ZDHHC21: variants seen among roughly 807,000 people sequenced by gnomAD.
ZDHHC21 encodes zDHHC palmitoyltransferase 21.
In ZDHHC21, 15 loss-of-function variants were observed where a neutral mutation model predicts 34.6. The observed-to-expected ratio is 0.43, with a 90% CI of 0.29 to 0.67. ZDHHC21 has a LOEUF of 0.67. Ranked by LOEUF, ZDHHC21 falls within the 30% of genes least tolerant of loss-of-function variation. The pLI, the probability that ZDHHC21 is intolerant of heterozygous loss-of-function variation, is 0.14. For synonymous variants in ZDHHC21, 142 were observed against 101.8 expected, an observed-to-expected ratio of 1.40 and a Z score of -2.38; for missense variants, 344 against 327.7, an observed-to-expected ratio of 1.05 and a Z score of -0.38.
intron 7 of ZDHHC21, among the ~76,000 whole-genome samples, chr9:14,657,630 A>G (rs1179719950): frequency 6.6e-6 from 1 of 152,134 alleles, no homozygotes; most frequent in East Asian, 1.9e-4. Context: ...TAAACAAAAG[A>G]AAGTAGCTGT....
chr9:14,693,346 C>G lies in ZDHHC21; in HGVS notation c.-342G>C. The G allele has an allele frequency of 2.4e-6, 1 of 410,680 alleles. No homozygotes were observed. The highest frequency in any genetic ancestry group is 1.7e-5 in the South Asian group (1 of 59,848). 25.4% of individuals were successfully genotyped at this position (410,680 alleles called of 1,614,324 possible). A position where few individuals can be genotyped will look rare whatever the true frequency, so the allele number is the denominator to read the frequency against. ...GCGCCGCCGCCCAGGCCGGGCCGCTCTCCCCTTCCGCTTCCGGGAGCCTGA... is the reference window on the plus strand; with the variant it reads ...GCGCCGCCGCCCAGGCCGGGCCGCTGTCCCCTTCCGCTTCCGGGAGCCTGA... On this transcript the variant is annotated 5_prime_UTR_variant, in exon 1 of 10. Transcript: ENST00000380916.
chr9:14,692,497 T>G (rs568584106), intron 1 of ZDHHC21, among the ~76,000 whole-genome samples: 2 of 152,244 alleles, frequency 1.3e-5, no homozygotes, highest in East Asian at 3.9e-4. Context: ...TATTTTAAAG[T>G]AATAATTGGT....
In ZDHHC21 at chr9:14,615,271, G is replaced by T. The variant is rs912877337; in HGVS notation, c.*3695C>A. The T allele has an allele frequency of 6.6e-6, 1 of 151,648 alleles. No individual in the cohort carries two copies. Among genetic ancestry groups the T allele is most frequent in the Non-Finnish European group, 1.5e-5 (1 of 67,692 alleles). The allele number at this position is 151,648 out of a possible 1,614,324, so 9.4% of individuals were successfully genotyped here. A position where few individuals can be genotyped will look rare whatever the true frequency, so the allele number is the denominator to read the frequency against. On this transcript the variant is annotated 3_prime_UTR_variant, in exon 10 of 10. Coordinates refer to ENST00000380916, the MANE Select transcript of ZDHHC21 (RefSeq NM_178566.6). ...TATCACCCACTAGTTACTTGTATGG[G>T]AGTGACTTGAATGTGTAACAAAGAA...
chr9:14,639,867 A>C, intron 8 of ZDHHC21, 29 bp downstream of exon 8: 2 of 1,289,562 alleles, frequency 1.6e-6, no homozygotes, highest in Non-Finnish European at 2.2e-6. Context: ...ATATTCATAA[A>C]TGTTACTTTA....
At chr9:14,660,475 TAAG>T (rs995271212) in intron 6 of ZDHHC21, among the ~76,000 whole-genome samples, 2 of 151,840 alleles carry the variant, frequency 1.3e-5, no homozygotes, top group African/African-American at 4.8e-5. Flanking sequence ...CTTAGGCAGT[TAAG>T]TAGTGCAATT....
intron 7 of ZDHHC21, among the ~76,000 whole-genome samples, chr9:14,654,990 G>C (rs1366792432): frequency 6.6e-6 from 1 of 151,850 alleles, no homozygotes; most frequent in African/African-American, 2.4e-5. Flanking sequence ...ATGACATCAG[G>C]CCACAGATTC....
chr9:14,664,017 G>C (rs1023370059), intron 5 of ZDHHC21, among the ~76,000 whole-genome samples: 1 of 152,164 alleles, frequency 6.6e-6, no homozygotes, highest in Non-Finnish European at 1.5e-5. Context: ...CAAGATGGCC[G>C]AATAGGAACA....
intron 2 of ZDHHC21, among the ~76,000 whole-genome samples, chr9:14,681,084 C>T (rs1016779435): frequency 2.0e-5 from 3 of 152,116 alleles, no homozygotes; most frequent in African/African-American, 7.2e-5. Flanking sequence ...GTAAGATGTT[C>T]ATCCTTTTGA....
chr9:14,653,898 A>G (rs886584675), intron 7 of ZDHHC21, among the ~76,000 whole-genome samples: 1 of 152,090 alleles, frequency 6.6e-6, no homozygotes, highest in African/African-American at 2.4e-5. Context: ...ATAAAATCCA[A>G]TTAATTAATA....
intron 3 of ZDHHC21, 58 bp downstream of exon 3, chr9:14,679,975 G>A (rs1395224649): frequency 6.6e-6 from 1 of 152,456 alleles, no homozygotes; most frequent in African/African-American, 2.4e-5. Context: ...AGACTCCAAG[G>A]ATACTATGGC....
At chr9:14,686,743 T>C (rs1490964222) in intron 2 of ZDHHC21, among the ~76,000 whole-genome samples, 2,501 of 147,678 alleles carry the variant, frequency 0.017, 116 homozygotes, top group African/African-American at 0.064. Context: ...GAGGCCGAGG[T>C]GGGAGGATCA....
rs543506603 is a variant in ZDHHC21, at chr9:14,632,875, T to C, written c.621+7021A>G. Among the ~76,000 whole-genome samples, 172 of 152,240 alleles carry C rather than the reference T, an allele frequency of 1.1e-3. 1 individual carries two copies. The highest frequency in any genetic ancestry group is 3.7e-3 in the African/African-American group (154 of 41,544). ...TCACCAGGGAAATGCAAATTAAAAC[T>C]ATGATGAGGTATTACCGTTTTTTAA... On this transcript the variant is annotated intron_variant, in intron 8 of 9. Transcript: ENST00000380916.
Position 14,617,340 on chromosome 9 carries a change from T to A in ZDHHC21, c.*1626A>T, listed in dbSNP as rs940748401. ...TTTGTAAGTAATAAAGTATTCTAAT[T>A]AGAACATGAAAAACATGATATTAAC... is the stretch of plus-strand genomic sequence containing the variant. On this transcript the variant is annotated 3_prime_UTR_variant, in exon 10 of 10. Transcript: ENST00000380916. The A allele has an allele frequency of 2.0e-5, 3 of 152,002 alleles. No individual in the cohort carries two copies. The highest frequency in any genetic ancestry group is 7.2e-5 in the African/African-American group (3 of 41,440). The allele number at this position is 152,002 out of a possible 1,614,324, so 9.4% of individuals were successfully genotyped here. A position where few individuals can be genotyped will look rare whatever the true frequency, so the allele number is the denominator to read the frequency against.
intron 5 of ZDHHC21, among the ~76,000 whole-genome samples, chr9:14,671,010 A>G (rs1168824192): frequency 6.6e-6 from 1 of 152,084 alleles, no homozygotes; most frequent in Non-Finnish European, 1.5e-5. Flanking sequence ...ATGTTTTTAA[A>G]AAGACTATGA....
intron 8 of ZDHHC21, among the ~76,000 whole-genome samples, chr9:14,638,968 T>C (rs2382496): frequency 0.062 from 9,453 of 151,850 alleles, 323 homozygotes; most frequent in Admixed American, 0.12. Flanking sequence ...AAACTAAAAA[T>C]AGAACTACCA....
intron 5 of ZDHHC21, among the ~76,000 whole-genome samples, chr9:14,665,572 GA>G (rs1360190008): frequency 4.0e-5 from 6 of 150,756 alleles, no homozygotes; most frequent in Admixed American, 4.0e-4. Context: ...TGAAATGAAG[GA>G]AAAAATGTTA....
chr9:14,643,787 G>C (rs796753057), intron 7 of ZDHHC21, among the ~76,000 whole-genome samples: 1 of 152,160 alleles, frequency 6.6e-6, no homozygotes, highest in African/African-American at 2.4e-5. Flanking sequence ...TATCTAAAAA[G>C]CTGTCATTTC....
chr9:14,627,959 G>A (rs1400417365), intron 8 of ZDHHC21, among the ~76,000 whole-genome samples: 1 of 152,102 alleles, frequency 6.6e-6, no homozygotes, highest in Non-Finnish European at 1.5e-5. Flanking sequence ...TAAACAGTCT[G>A]AAGTCTAAAA....
At chr9:14,654,274 T>C (rs923863986) in intron 7 of ZDHHC21, among the ~76,000 whole-genome samples, 3 of 152,134 alleles carry the variant, frequency 2.0e-5, no homozygotes, top group East Asian at 3.9e-4. Flanking sequence ...TACCAATAAA[T>C]GCAATAAATA....
Sources: gnomAD v4.1 joint callset for allele counts (sites outside exome capture counted in the v4.1 genomes callset) on GRCh38, gnomAD v4.1.1 for gene constraint, MANE v1.5 for transcripts, NCBI Gene and HGNC (gene_info 2026-07-23, HGNC 2026-07-21) for gene names.